The following SOX5 variants were observed in gnomAD, a reference collection of about 807,000 sequenced individuals.
SOX5 encodes the protein SRY-box transcription factor 5.
Under a neutral mutation model 92.0 loss-of-function variants are expected in SOX5, and 9 were observed. That is an observed-to-expected ratio of 0.10 (90% confidence interval 0.06 to 0.17). The LOEUF (loss-of-function observed/expected upper bound fraction) is 0.17, where lower values mean the gene tolerates loss of function less well. Among genes scored for constraint, SOX5 ranks in the 10% least tolerant of loss-of-function variants. The pLI, the probability that SOX5 is intolerant of heterozygous loss-of-function variation, is 1.00. For missense variants in SOX5, 642 were observed against 944.5 expected, an observed-to-expected ratio of 0.68 and a Z score of 4.20; for synonymous variants, 344 against 336.3, an observed-to-expected ratio of 1.02 and a Z score of -0.25.
intron 2 of SOX5, among the ~76,000 whole-genome samples, chr12:23,859,714 A>C (rs1282915983): frequency 6.6e-6 from 1 of 152,188 alleles, no homozygotes; most frequent in African/African-American, 2.4e-5. Flanking sequence ...TCAGGTGGGC[A>C]TCACGGAATC....
intron 2 of SOX5, among the ~76,000 whole-genome samples, chr12:24,284,277 C>T (rs1387855207): frequency 6.6e-6 from 1 of 152,144 alleles, no homozygotes; most frequent in South Asian, 2.1e-4. Context: ...TCTTTCTTTG[C>T]CCATACCCTG....
intron 4 of SOX5, among the ~76,000 whole-genome samples, chr12:23,976,274 TAATTCTTGGAGA>T (rs1769072117): frequency 6.6e-6 from 1 of 151,856 alleles, no homozygotes; most frequent in African/African-American, 2.4e-5. Flanking sequence ...GACAGTTGTT[TAATTCTTGGAGA>T]AATTCTTGGA....
chr12:23,960,498 CATATAT>C, intron 4 of SOX5, among the ~76,000 whole-genome samples: 1 of 131,776 alleles, frequency 7.6e-6, no homozygotes, highest in African/African-American at 2.7e-5. Context: ...TATTTATATA[CATATAT>C]ATTTATATAC....
chr12:23,803,064 G>A (rs965486922), intron 3 of SOX5, among the ~76,000 whole-genome samples: 1 of 151,972 alleles, frequency 6.6e-6, no homozygotes, highest in Non-Finnish European at 1.5e-5. Flanking sequence ...CTCCGAATGT[G>A]CCAGAATTAG....
At chr12:23,624,537 C>T (rs1264663420) in intron 8 of SOX5, among the ~76,000 whole-genome samples, 2 of 152,136 alleles carry the variant, frequency 1.3e-5, no homozygotes, top group Non-Finnish European at 2.9e-5. Flanking sequence ...TTGAAAGACA[C>T]TAAACAGAAC....
intron 1 of SOX5, among the ~76,000 whole-genome samples, chr12:23,917,588 C>T (rs1187433147): frequency 1.3e-5 from 2 of 151,966 alleles, no homozygotes; most frequent in African/African-American, 2.4e-5. Context: ...ATAAAAAGAA[C>T]CCTTTAGCAG....
At chr12:24,520,296 G>A (rs993460380) in intron 1 of SOX5, among the ~76,000 whole-genome samples, 2 of 151,962 alleles carry the variant, frequency 1.3e-5, no homozygotes, top group African/African-American at 2.4e-5. Context: ...TCTAAAGATG[G>A]TGCACAAATT....
intron 4 of SOX5, among the ~76,000 whole-genome samples, chr12:24,089,536 A>C (rs1944398975): frequency 6.6e-6 from 1 of 152,176 alleles, no homozygotes; most frequent in African/African-American, 2.4e-5. Context: ...ATAATCAAAT[A>C]GAAAAATTAA....
chr12:24,317,437 G>T (rs1949800551), intron 2 of SOX5, among the ~76,000 whole-genome samples: 1 of 152,132 alleles, frequency 6.6e-6, no homozygotes, highest in Admixed American at 6.5e-5. Context: ...ACACTGCCAG[G>T]ATATATAAAC....
intron 3 of SOX5, among the ~76,000 whole-genome samples, chr12:23,798,566 A>G (rs917753684): frequency 6.0e-5 from 9 of 150,458 alleles, no homozygotes; most frequent in Non-Finnish European, 3.0e-5. Flanking sequence ...TAATAGCAAT[A>G]TCCCATTTTT....
chr12:23,642,211 T>C (rs1226764586), intron 7 of SOX5, among the ~76,000 whole-genome samples: 1 of 152,202 alleles, frequency 6.6e-6, no homozygotes, highest in Admixed American at 6.5e-5. Context: ...TTTGCATTTT[T>C]ATTCTAAAGA....
At chr12:23,633,997 T>G in intron 8 of SOX5, among the ~76,000 whole-genome samples, 1 of 150,660 alleles carries the variant, frequency 6.6e-6, no homozygotes, top group East Asian at 1.9e-4. Context: ...CTGTGGATTT[T>G]TCATACTCTT....
At chr12:23,916,062 G>C (rs1168198328) in intron 1 of SOX5, among the ~76,000 whole-genome samples, 1 of 152,004 alleles carries the variant, frequency 6.6e-6, no homozygotes, top group African/African-American at 2.4e-5. Flanking sequence ...TTTTTGACCA[G>C]AAAAATCAAG....
At chr12:24,060,569 G>C (rs780923296) in intron 4 of SOX5, among the ~76,000 whole-genome samples, 1 of 152,124 alleles carries the variant, frequency 6.6e-6, no homozygotes, top group Non-Finnish European at 1.5e-5. Context: ...CATGTCTCCT[G>C]GTAAAAGACC....
chr12:23,981,886 A>C (rs1949603533), intron 4 of SOX5, among the ~76,000 whole-genome samples: 1 of 152,182 alleles, frequency 6.6e-6, no homozygotes, highest in Non-Finnish European at 1.5e-5. Flanking sequence ...AATTAACTAG[A>C]GTTCTTTACA....
At chr12:23,932,624 G>A (rs953694707) in intron 1 of SOX5, among the ~76,000 whole-genome samples, 1 of 151,322 alleles carries the variant, frequency 6.6e-6, no homozygotes, top group Non-Finnish European at 1.5e-5. Flanking sequence ...GTATAGAGGT[G>A]TTCATTGTGT....
At chr12:23,859,052 A>G (rs2096725218) in intron 2 of SOX5, among the ~76,000 whole-genome samples, 1 of 152,138 alleles carries the variant, frequency 6.6e-6, no homozygotes, top group African/African-American at 2.4e-5. Context: ...CCCTGTGATG[A>G]TTGCGTTAAC....
chr12:24,255,662 C>A (rs1008113786), intron 3 of SOX5, among the ~76,000 whole-genome samples: 1 of 151,902 alleles, frequency 6.6e-6, no homozygotes. Context: ...CCAGGCTTCT[C>A]GACTCGGAAA....
chr12:23,881,198 G>A (rs1376850483), intron 2 of SOX5, among the ~76,000 whole-genome samples: 2 of 152,116 alleles, frequency 1.3e-5, no homozygotes, highest in African/African-American at 4.8e-5. Context: ...TCAGCTCCTG[G>A]AGGCTGTAAA....
Sources: allele counts gnomAD v4.1 joint callset (sites outside exome capture counted in the v4.1 genomes callset), GRCh38; gene constraint gnomAD v4.1.1; transcripts MANE v1.5; gene names NCBI Gene and HGNC (gene_info 2026-07-23, HGNC 2026-07-21).